G3BP2: variants seen among roughly 807,000 people sequenced by gnomAD.
G3BP2 encodes the protein ras GTPase-activating protein-binding protein 2.
In G3BP2, 11 loss-of-function variants were observed where a neutral mutation model predicts 56.7. That is an observed-to-expected ratio of 0.19 (90% CI 0.12 to 0.32). The LOEUF is 0.32. Among genes scored for constraint, G3BP2 ranks in the 10% least tolerant of loss-of-function variants. The pLI is 1.00. For synonymous variants in G3BP2, 165 were observed against 191.6 expected, an observed-to-expected ratio of 0.86 and a Z score of 1.15; for missense variants, 340 against 610.9, an observed-to-expected ratio of 0.56 and a Z score of 4.67.
At chr4:75,664,328 G>A (rs910776733) in intron 1 of G3BP2, among the ~76,000 whole-genome samples, 3 of 150,046 alleles carry the variant, frequency 2.0e-5, no homozygotes, top group African/African-American at 2.4e-5. Flanking sequence ...TGTAATCCCA[G>A]CACTTCAGGA....
At chr4:75,698,092 T>C (rs560195927) in intron 3 of G3BP2, among the ~76,000 whole-genome samples, 2 of 152,320 alleles carry the variant, frequency 1.3e-5, no homozygotes, top group Admixed American at 6.5e-5. Context: ...CCTGTGAATA[T>C]ATTTCCTTAC....
At chr4:75,683,408 A>G (rs1734159118) in intron 3 of G3BP2, among the ~76,000 whole-genome samples, 1 of 152,044 alleles carries the variant, frequency 6.6e-6, no homozygotes, top group South Asian at 2.1e-4. Flanking sequence ...TACTAAAAAT[A>G]TAAAAATTAG....
chr4:75,671,807 T>C (rs1733509216), intron 1 of G3BP2, among the ~76,000 whole-genome samples: 1 of 152,222 alleles, frequency 6.6e-6, no homozygotes, highest in African/African-American at 2.4e-5. Flanking sequence ...TTCAAACTCA[T>C]CGTACCGTTT....
chr4:75,649,343 T>C (rs147215649), intron 8 of G3BP2, among the ~76,000 whole-genome samples: 3 of 152,214 alleles, frequency 2.0e-5, no homozygotes, highest in Non-Finnish European at 2.9e-5. Flanking sequence ...AACTTGTATG[T>C]AGCATCTCAA....
At chr4:75,679,116 G>A (rs1434890707) in intron 3 of G3BP2, among the ~76,000 whole-genome samples, 1 of 152,180 alleles carries the variant, frequency 6.6e-6, no homozygotes, top group Non-Finnish European at 1.5e-5. Flanking sequence ...AATTTAGAAA[G>A]AGAGCCCAGA....
chr4:75,673,640 T>G, upstream of G3BP2: 6 of 1,230,248 alleles, frequency 4.9e-6, no homozygotes, highest in Non-Finnish European at 6.1e-6. Context: ...GTCCGCTGAT[T>G]TGACGTCACA....
At chr4:75,714,773 TC>T (rs1443272892) in intron 3 of G3BP2, among the ~76,000 whole-genome samples, 9 of 152,142 alleles carry the variant, frequency 5.9e-5, no homozygotes, top group African/African-American at 2.2e-4. Flanking sequence ...AGATACTTTT[TC>T]CCCTTCACCT....
upstream of G3BP2, among the ~76,000 whole-genome samples, chr4:75,676,336 A>AT (rs34017434): frequency 0.26 from 24,161 of 92,130 alleles, 3,659 homozygotes; most frequent in East Asian, 0.56. Context: ...ATTGCCAATA[A>AT]TTTTTTTTTT....
chr4:75,666,026 A>T (rs1733008323), intron 1 of G3BP2, among the ~76,000 whole-genome samples: 1 of 152,192 alleles, frequency 6.6e-6, no homozygotes, highest in African/African-American at 2.4e-5. Context: ...TAGAGTACAT[A>T]CTGATCTATC....
At chr4:75,712,658 C>T (rs996989608) in intron 3 of G3BP2, among the ~76,000 whole-genome samples, 4 of 152,086 alleles carry the variant, frequency 2.6e-5, no homozygotes, top group African/African-American at 9.7e-5. Context: ...CTCTAGATTA[C>T]GATCACTGGG....
At chr4:75,658,959 G>A in intron 2 of G3BP2, 35 bp from the exon 3 acceptor site, 1 of 1,455,972 alleles carries the variant, frequency 6.9e-7, no homozygotes, top group Non-Finnish European at 9.7e-7. Flanking sequence ...ACACTGAATT[G>A]TCAAGAGAAG....
chr4:75,667,280 A>C (rs1042153083), intron 1 of G3BP2, among the ~76,000 whole-genome samples: 2 of 112,268 alleles, frequency 1.8e-5, no homozygotes, highest in Admixed American at 9.7e-5. Flanking sequence ...CAGGAGTGAG[A>C]CACTGTTTAA....
Position 75,648,750 on chromosome 4 carries a change from T to C in G3BP2, c.826-9A>G, listed in dbSNP as rs376148704. On this transcript the variant is annotated splice_polypyrimidine_tract_variant and intron_variant, in intron 8 of 11. Coordinates refer to ENST00000359707, the MANE Select transcript of G3BP2 (RefSeq NM_203505.3). ...TTAGCTTCGACTCTTGGCTAAAATA[T>C]AAAGAAAAAAAAACATTATAAAAAA... The C allele has an allele frequency of 4.6e-5, 72 of 1,558,572 alleles. No homozygotes were observed. The highest frequency in any genetic ancestry group is 6.2e-5 in the Non-Finnish European group (70 of 1,134,600).
chr4:75,669,341 C>T (rs1185206416), intron 1 of G3BP2, among the ~76,000 whole-genome samples: 1 of 152,240 alleles, frequency 6.6e-6, no homozygotes, highest in African/African-American at 2.4e-5. Context: ...AACTTGAAAG[C>T]TCAGTCGTGA....
chr4:75,720,410 G>T (rs1176792888), intron 3 of G3BP2, among the ~76,000 whole-genome samples: 1 of 151,352 alleles, frequency 6.6e-6, no homozygotes, highest in Non-Finnish European at 1.5e-5. Flanking sequence ...GCTGAGGCAG[G>T]AGAATGGCAT....
At chr4:75,653,072 G>T (rs1731818352) in intron 8 of G3BP2, among the ~76,000 whole-genome samples, 1 of 150,876 alleles carries the variant, frequency 6.6e-6, no homozygotes, top group Non-Finnish European at 1.5e-5. Flanking sequence ...CTTACATAAG[G>T]GTAACCACGC....
At position 75,655,845 on chromosome 4, in the gene G3BP2, T is replaced by A. The variant is rs768971598; in HGVS notation, c.468A>T (p.Glu156Asp). Residue 156 changes from glutamate (E) to aspartate (D), a missense_variant, in exon 6 of 12, where the codon GAA becomes GAT. By Grantham distance (45) the Glu-to-Asp change is conservative. Around this residue, in one of 4 missense-constraint regions of G3BP2, gnomAD observed 224 missense variants for 332.5 expected, o/e 0.67. Coordinates refer to ENST00000359707, the MANE Select transcript of G3BP2 (RefSeq NM_203505.3). ...DEESEDEVEEEQEERQPSPEP... is the reference protein window; with the variant it reads ...DEESEDEVEEDQEERQPSPEP... ...CAGGAGATGGTTGTCTTTCTTCTTGTTCCTCTTCTACTTCATCTTCTGATT... is the reference window on the plus strand; with the variant it reads ...CAGGAGATGGTTGTCTTTCTTCTTGATCCTCTTCTACTTCATCTTCTGATT... The A allele has an allele frequency of 2.5e-6, 4 of 1,584,698 alleles. No homozygotes were observed. The highest frequency in any genetic ancestry group is 3.5e-6 in the Non-Finnish European group (4 of 1,153,278).
At chr4:75,661,138 T>C (rs746852414) in intron 2 of G3BP2, among the ~76,000 whole-genome samples, 1 of 152,180 alleles carries the variant, frequency 6.6e-6, no homozygotes, top group African/African-American at 2.4e-5. Context: ...ACCCAAGATA[T>C]GGTCTTTTGA....
chr4:75,718,050 A>G (rs1165891963), intron 3 of G3BP2, among the ~76,000 whole-genome samples: 2 of 151,948 alleles, frequency 1.3e-5, no homozygotes, highest in African/African-American at 4.8e-5. Flanking sequence ...GAGGCAGAAT[A>G]GCTTGAACCT....
Sources: allele counts gnomAD v4.1 joint callset (sites outside exome capture counted in the v4.1 genomes callset), GRCh38; gene constraint gnomAD v4.1.1; regional missense constraint gnomAD v4.1.1; transcripts MANE v1.5; gene names NCBI Gene and HGNC (gene_info 2026-07-23, HGNC 2026-07-21).